The following NAALADL1 variants were observed in gnomAD, a reference collection of about 807,000 sequenced individuals.
NAALADL1 encodes the protein aminopeptidase NAALADL1.
NAALADL1 carries 77 observed loss-of-function variants against 82.8 expected under a neutral mutation model. That is an observed-to-expected ratio of 0.93 (90% CI 0.77 to 1.12). NAALADL1 has a LOEUF of 1.12. NAALADL1 is among the 50% of genes most tolerant of loss of function. The pLI, the probability that NAALADL1 is intolerant of heterozygous loss-of-function variation, is 0.00. For synonymous variants in NAALADL1, 358 were observed against 399.2 expected, an observed-to-expected ratio of 0.90 and a Z score of 1.23; for missense variants, 956 against 964.0, an observed-to-expected ratio of 0.99 and a Z score of 0.11.
chr11:65,048,733 T>C (rs1278926025), intron 8 of NAALADL1, among the ~76,000 whole-genome samples: 1 of 152,202 alleles, frequency 6.6e-6, no homozygotes, highest in East Asian at 1.9e-4. Flanking sequence ...GAACATTTCC[T>C]GTTAGGGCAT....
chr11:65,055,506 C>T (rs1457606472), intron 4 of NAALADL1, among the ~76,000 whole-genome samples: 1 of 152,078 alleles, frequency 6.6e-6, no homozygotes, highest in African/African-American at 2.4e-5. Flanking sequence ...AAAGAAAGTT[C>T]TGATACATCA....
intron 10 of NAALADL1, 43 bp from the exon 11 acceptor site, chr11:65,048,091 TC>T (rs1407145888): frequency 6.2e-7 from 1 of 1,613,952 alleles, no homozygotes; most frequent in Non-Finnish European, 8.5e-7. Flanking sequence ...CCCAGCCCCT[TC>T]TTTTACCCAC....
chr11:65,059,883 G>T (rs147683439), upstream of NAALADL1, among the ~76,000 whole-genome samples: 1 of 152,214 alleles, frequency 6.6e-6, no homozygotes, highest in Non-Finnish European at 1.5e-5. Flanking sequence ...AGGCTGAAAA[G>T]GTGTTCCAGC....
intron 8 of NAALADL1, among the ~76,000 whole-genome samples, chr11:65,052,165 C>T (rs1011672546): frequency 1.4e-4 from 21 of 152,138 alleles, no homozygotes; most frequent in African/African-American, 4.8e-4. Context: ...TCGACTTGTC[C>T]TCCCTCTTGC....
chr11:65,046,641 G>T, intron 13 of NAALADL1, 115 bp from the exon 14 acceptor site: 1 of 1,026,550 alleles, frequency 9.7e-7, no homozygotes. Flanking sequence ...CCATGTCTGT[G>T]AGGTGGCTTC....
At chr11:65,052,575 G>A (rs1946918298) in intron 8 of NAALADL1, among the ~76,000 whole-genome samples, 4 of 152,182 alleles carry the variant, frequency 2.6e-5, no homozygotes, top group South Asian at 2.1e-4. Context: ...GCCTCCCAGA[G>A]TGCTGGGATT....
Position 65,053,231 on chromosome 11 carries a change from G to T in NAALADL1, c.1185C>A (p.Thr395=), listed in dbSNP as rs1342656996. Residue 395 remains threonine, a synonymous_variant, in exon 8 of 18, where the codon ACC becomes ACA. Coordinates refer to ENST00000358658, the MANE Select transcript of NAALADL1 (RefSeq NM_005468.3). The surrounding 1 kb of genome is among the most constrained non-coding windows in gnomAD (Gnocchi z 4.3). ...GGGCCGCCTCACCCTTCTTCAGCAG[G>T]GTCCCCAGGACACGGGAGAGCTCCA... ...VLLELSRVLG[T]LLKKGTWRPR... 1 of 1,546,382 alleles carries T rather than the reference G, an allele frequency of 6.5e-7. No homozygotes were observed. Among genetic ancestry groups the T allele is most frequent in the African/African-American group, 1.4e-5 (1 of 73,310 alleles).
intron 8 of NAALADL1, among the ~76,000 whole-genome samples, chr11:65,048,693 C>T (rs1323404427): frequency 6.6e-6 from 1 of 152,206 alleles, no homozygotes; most frequent in African/African-American, 2.4e-5. Flanking sequence ...GGCCAAACTC[C>T]ATAGCCATCT....
At chr11:65,051,457 T>C (rs1159870769) in intron 8 of NAALADL1, among the ~76,000 whole-genome samples, 1 of 147,762 alleles carries the variant, frequency 6.8e-6, no homozygotes, top group Non-Finnish European at 1.5e-5. Context: ...CCACACAGCC[T>C]CCGAAGTAGC....
At chr11:65,047,933 G>T in intron 11 of NAALADL1, 48 bp downstream of exon 11, 2 of 539,278 alleles carry the variant, frequency 3.7e-6, no homozygotes, top group Non-Finnish European at 2.7e-6. Context: ...TCCGCCGCAC[G>T]CGGCCCGCCC....
intron 8 of NAALADL1, 115 bp from the exon 9 acceptor site, chr11:65,048,500 A>T: frequency 8.6e-7 from 1 of 1,165,454 alleles, no homozygotes; most frequent in Non-Finnish European, 1.2e-6. Context: ...GCAGCTGGTG[A>T]CAGGATGTCC....
upstream of NAALADL1, among the ~76,000 whole-genome samples, chr11:65,060,123 C>CGTGTGTGTGTGTGT (rs139317710): frequency 1.4e-5 from 2 of 147,376 alleles, no homozygotes; most frequent in South Asian, 4.3e-4. Context: ...CAGGGCAGAG[C>CGTGTGTGTGTGTGT]GTGTGTGTGT....
intron 4 of NAALADL1, among the ~76,000 whole-genome samples, chr11:65,055,202 A>C (rs570918894): frequency 6.6e-6 from 1 of 152,312 alleles, no homozygotes; most frequent in Non-Finnish European, 1.5e-5. Context: ...GGATCACCTG[A>C]GGTCAAGACC....
Position 65,044,830 on chromosome 11 carries a change from C to T in NAALADL1, c.*441G>A, listed in dbSNP as rs537293553. ...TAAAAGGAACTTGTTTTGTTGGTAC[C>T]AGTCACTAGATGTGATTTATTTGAG... On this transcript the variant is annotated 3_prime_UTR_variant, in exon 18 of 18. Transcript: ENST00000358658. This position sits in a 1 kb window ranked among gnomAD's most constrained non-coding sequence, Gnocchi z 4.0. The T allele has an allele frequency of 3.7e-5, 47 of 1,269,560 alleles. No homozygotes were observed. The African/African-American group carries it at 7.0e-4, about 19-fold the overall frequency. 78.6% of individuals were successfully genotyped at this position (1,269,560 alleles called of 1,614,324 possible). A position where few individuals can be genotyped will look rare whatever the true frequency, so the allele number is the denominator to read the frequency against.
rs778641300 is a variant in NAALADL1, at chr11:65,047,468, T to A, written c.1599+7A>T. ...ACCGAGGCAGGGACGGAGGGGCGCC[T>A]GCTCACCCGGTCATAGGTATAGGCA... On this transcript the variant is annotated splice_region_variant and intron_variant, in intron 13 of 17. Transcript: ENST00000358658. 6.4e-7 allele frequency: 1 copy of A among 1,557,288 alleles called. No homozygotes were observed. Among genetic ancestry groups the A allele is most frequent in the Non-Finnish European group, 8.7e-7 (1 of 1,150,234 alleles).
intron 8 of NAALADL1, among the ~76,000 whole-genome samples, chr11:65,050,690 T>A (rs1395124650): frequency 6.6e-6 from 1 of 151,804 alleles, no homozygotes; most frequent in African/African-American, 2.4e-5. Flanking sequence ...CTCAGGAGGC[T>A]GAGGCAGGAG....
chr11:65,051,777 G>A (rs1030557013), intron 8 of NAALADL1, among the ~76,000 whole-genome samples: 1 of 152,112 alleles, frequency 6.6e-6, no homozygotes, highest in Admixed American at 6.6e-5. Context: ...TATATGTAAG[G>A]GAAGATGAAG....
Position 65,057,862 on chromosome 11 carries a change from G to GA in NAALADL1, c.480+12_480+13insT. Reference sequence around the variant, plus strand: ...GAGCTGGGCCAGAGCAGTAGGGGGGGTTCTGGGCCCACCTGTGGGGTTCCA... The same window carrying GA: ...GAGCTGGGCCAGAGCAGTAGGGGGGGATTCTGGGCCCACCTGTGGGGTTCCA... On this transcript the variant is annotated intron_variant, in intron 3 of 17. Transcript: ENST00000358658. 6.2e-7 allele frequency: 1 copy of GA among 1,613,328 alleles called. No homozygotes were observed. Among genetic ancestry groups the GA allele is most frequent in the Non-Finnish European group, 8.5e-7 (1 of 1,179,844 alleles).
Position 65,047,774 on chromosome 11 carries a change from C to T in NAALADL1, c.1417-36G>A, listed in dbSNP as rs370284376. ...GGAGAATTTAGTCTCGGTGCGCGGCCCTCCCCAGCCCCAACAACAGGGCGG... is the reference window on the plus strand; with the variant it reads ...GGAGAATTTAGTCTCGGTGCGCGGCTCTCCCCAGCCCCAACAACAGGGCGG... On this transcript the variant is annotated intron_variant, in intron 11 of 17. Transcript: ENST00000358658. 3.9e-6 allele frequency: 6 copies of T among 1,556,738 alleles called. No individual in the cohort carries two copies. In the South Asian group the frequency reaches 4.7e-5, roughly 12 times the overall value.
Sources: gnomAD v4.1 joint callset for allele counts (sites outside exome capture counted in the v4.1 genomes callset) on GRCh38, gnomAD v4.1.1 for gene constraint, Gnocchi (gnomAD v3.1) non-coding constraint, MANE v1.5 for transcripts, NCBI Gene and HGNC (gene_info 2026-07-23, HGNC 2026-07-21) for gene names.